SLC25A30: variants seen among roughly 807,000 people sequenced by gnomAD.
The protein encoded by SLC25A30 is solute carrier family 25 member 30, also known as kidney mitochondrial carrier protein 1.
In SLC25A30, 29 loss-of-function variants were observed where a neutral mutation model predicts 42.7. That is an observed-to-expected ratio of 0.68 (90% confidence interval 0.51 to 0.93). The LOEUF (loss-of-function observed/expected upper bound fraction) is 0.93. SLC25A30 is among the 40% of genes least tolerant of loss of function. SLC25A30 has a pLI of 0.00. For synonymous variants in SLC25A30, 124 were observed against 131.0 expected, an observed-to-expected ratio of 0.95 and a Z score of 0.37; for missense variants, 300 against 359.7, an observed-to-expected ratio of 0.83 and a Z score of 1.34.
chr13:45,423,604 T>TATATATAAAATATATATATAA, the SLC25A30 span, among the ~76,000 whole-genome samples: 164 of 78,398 alleles, frequency 2.1e-3, 4 homozygotes, highest in African/African-American at 3.0e-3. Flanking sequence ...TATATATATA[T>TATATATAAAATATATATATAA]AAATATATAT....
chr13:45,425,992 C>T, the SLC25A30 span, among the ~76,000 whole-genome samples: 3 of 146,832 alleles, frequency 2.0e-5, no homozygotes, highest in Non-Finnish European at 3.0e-5. Context: ...TTCGCCTGGT[C>T]AGTTTATATG....
rs776355233 is a variant in SLC25A30, at chr13:45,399,031, A to G, written c.662T>C (p.Val221Ala). ...GLAGALASNPVDVVRTRMMNQ... is the reference protein window; with the variant it reads ...GLAGALASNPADVVRTRMMNQ... ...CATCATACGTGTCCTCACAACATCA[A>G]CAGGGTTTGAGGCCAGGGCCCCTGC... Residue 221 changes from valine to alanine, a missense_variant, in exon 8 of 10, where the codon GTT (valine) becomes GCT (alanine). Val to Ala is a moderately conservative substitution (Grantham distance 64, BLOSUM62 0). Coordinates refer to ENST00000519676, the MANE Select transcript of SLC25A30 (RefSeq NM_001010875.4). The G allele has an allele frequency of 8.1e-6, 13 of 1,613,860 alleles. No homozygotes were observed. In the South Asian group the frequency reaches 1.3e-4, roughly 16 times the overall value.
In SLC25A30 at chr13:45,393,797, C is replaced by A; in HGVS notation, c.*2177G>T. On this transcript the variant is annotated 3_prime_UTR_variant, in exon 10 of 10. Coordinates refer to ENST00000519676, the MANE Select transcript of SLC25A30 (RefSeq NM_001010875.4). Reference sequence around the variant, plus strand: ...AAGTCTACACTGAAGAAATACTATGCTTTTATCTTAAATCGTGCTTAAGTT... The same window carrying A: ...AAGTCTACACTGAAGAAATACTATGATTTTATCTTAAATCGTGCTTAAGTT... 1.0e-6 allele frequency: 1 copy of A among 985,384 alleles called. No individual in the cohort carries two copies. The highest frequency in any genetic ancestry group is 1.2e-6 in the Non-Finnish European group (1 of 829,906). 61.0% of individuals were successfully genotyped at this position (985,384 alleles called of 1,614,324 possible).
At chr13:45,419,316 TTTTTG>T (rs1188378706), upstream of SLC25A30, among the ~76,000 whole-genome samples, 2 of 151,198 alleles carry the variant, frequency 1.3e-5, no homozygotes, top group Admixed American at 6.6e-5. Context: ...CCCAGGTATA[TTTTTG>T]TTTTGTTTTG....
chr13:45,422,098 G>T (rs77189493), upstream of SLC25A30, among the ~76,000 whole-genome samples: 1,446 of 152,198 alleles, frequency 9.5e-3, 26 homozygotes, highest in African/African-American at 0.033. Context: ...CCACATCATG[G>T]TTTTCATCAT....
intron 8 of SLC25A30, chr13:45,397,939 G>A (rs1593597706): frequency 4.1e-6 from 4 of 985,550 alleles, no homozygotes; most frequent in Non-Finnish European, 4.8e-6. Flanking sequence ...TCCGTGCCAT[G>A]TGGGCTCCTG....
At chr13:45,413,113 T>G (rs1034430241) in intron 1 of SLC25A30, among the ~76,000 whole-genome samples, 2 of 152,214 alleles carry the variant, frequency 1.3e-5, no homozygotes, top group Non-Finnish European at 2.9e-5. Context: ...TCATTATTCC[T>G]TGTTTATGGA....
In SLC25A30 at chr13:45,411,486, C is replaced by T. The variant is rs373273817; in HGVS notation, c.-55-6G>A. 210 of 1,519,730 alleles carry T rather than the reference C, an allele frequency of 1.4e-4. No homozygotes were observed. The African/African-American group carries it at 2.3e-3, about 17-fold the overall frequency. The allele number at this position is 1,519,730 out of a possible 1,614,324, so 94.1% of individuals were successfully genotyped here. A position where few individuals can be genotyped will look rare whatever the true frequency, so the allele number is the denominator to read the frequency against. On this transcript the variant is annotated splice_region_variant and splice_polypyrimidine_tract_variant and intron_variant, in intron 1 of 9. Transcript: ENST00000519676. The stretch of plus-strand genomic sequence containing the variant: ...TGCCTCCAGTGCTGTTTTTCCTGGA[C>T]ACAACAATAAGATATTATCAAGCTG...
chr13:45,412,117 T>G lies in SLC25A30; in HGVS notation c.-55-637A>C, dbSNP rs1490324143. 2.7e-5 allele frequency among the ~76,000 whole-genome samples: 4 copies of G among 148,080 alleles called. No homozygotes were observed. In the East Asian group the frequency reaches 7.8e-4, roughly 29 times the overall value. On this transcript the variant is annotated intron_variant, in intron 1 of 9. Transcript: ENST00000519676. ...ACAATTACTTAAAATTACAAGCTAC[T>G]TCTTTTTTTGTTTTTTTTTTAAGAC...
chr13:45,407,350 G>C (rs901230654), intron 3 of SLC25A30, among the ~76,000 whole-genome samples: 1 of 152,040 alleles, frequency 6.6e-6, no homozygotes, highest in Non-Finnish European at 1.5e-5. Flanking sequence ...AGTGAGCCTG[G>C]GCAACCGAGT....
At chr13:45,431,686 C>T in the SLC25A30 span, among the ~76,000 whole-genome samples, 6 of 151,946 alleles carry the variant, frequency 3.9e-5, no homozygotes, top group African/African-American at 1.4e-4. Context: ...ACCCAGCCAA[C>T]GATTGCACAC....
chr13:45,424,172 T>TATATATAAATATATCA, the SLC25A30 span, among the ~76,000 whole-genome samples: 3 of 99,470 alleles, frequency 3.0e-5, no homozygotes, highest in African/African-American at 4.2e-5. Flanking sequence ...AATATATCAA[T>TATATATAAATATATCA]ATATATAAAT....
chr13:45,412,307 T>A (rs966139748), intron 1 of SLC25A30, among the ~76,000 whole-genome samples: 1 of 152,074 alleles, frequency 6.6e-6, no homozygotes, highest in Non-Finnish European at 1.5e-5. Context: ...TTTTGTAGAC[T>A]GGTCTCTAAC....
At chr13:45,433,571 G>A in the SLC25A30 span, among the ~76,000 whole-genome samples, 1 of 152,184 alleles carries the variant, frequency 6.6e-6, no homozygotes. Context: ...AGACTGTCAT[G>A]CTCCATTTTT....
chr13:45,432,510 A>T, the SLC25A30 span, among the ~76,000 whole-genome samples: 1 of 152,138 alleles, frequency 6.6e-6, no homozygotes, highest in Non-Finnish European at 1.5e-5. Context: ...GATCCACCAC[A>T]TGTAGGCAAA....
intron 1 of SLC25A30, among the ~76,000 whole-genome samples, chr13:45,417,724 C>G (rs1283569746): frequency 1.3e-5 from 2 of 152,198 alleles, no homozygotes; most frequent in Admixed American, 1.3e-4. Context: ...GCTACTCTTG[C>G]GCAGAACAAA....
the SLC25A30 span, among the ~76,000 whole-genome samples, chr13:45,423,832 A>ATATATATAAAAATATAAATATATATT: frequency 1.1e-4 from 6 of 54,820 alleles, no homozygotes; most frequent in African/African-American, 2.8e-4. Flanking sequence ...ATATATATTT[A>ATATATATAAAAATATAAATATATATT]TATATATAAA....
At chr13:45,396,884 C>T (rs1477973922) in intron 9 of SLC25A30, 1 of 182,168 alleles carries the variant, frequency 5.5e-6, no homozygotes, top group Non-Finnish European at 1.1e-5. Flanking sequence ...TATCTTCAGG[C>T]ACTTTCTAAG....
the SLC25A30 span, among the ~76,000 whole-genome samples, chr13:45,428,670 G>A: frequency 2.0e-5 from 3 of 151,276 alleles, no homozygotes; most frequent in Admixed American, 1.3e-4. Flanking sequence ...TTACAGGTAC[G>A]CACCACCATG....
Sources: gnomAD v4.1 joint callset for allele counts (sites outside exome capture counted in the v4.1 genomes callset) on GRCh38, gnomAD v4.1.1 for gene constraint, MANE v1.5 for transcripts, NCBI Gene and HGNC (gene_info 2026-07-23, HGNC 2026-07-21) for gene names.